HRH1: variants seen among roughly 807,000 people sequenced by gnomAD.
The protein encoded by HRH1 is histamine receptor H1.
HRH1 carries 6 observed loss-of-function variants against 10.3 expected under a neutral mutation model. The observed-to-expected ratio is 0.58, with a 90% CI of 0.32 to 1.15. The LOEUF (loss-of-function observed/expected upper bound fraction) is 1.15. Ranked by LOEUF, HRH1 falls within the 50% of genes most tolerant of loss-of-function variation. The pLI, the probability that HRH1 is intolerant of heterozygous loss-of-function variation, is 0.05. For synonymous variants in HRH1, 242 were observed against 236.7 expected, an observed-to-expected ratio of 1.02 and a Z score of -0.21; for missense variants, 514 against 615.3, an observed-to-expected ratio of 0.84 and a Z score of 1.74.
At chr3:11,158,363 G>A (rs1018007462) in intron 1 of HRH1, among the ~76,000 whole-genome samples, 4 of 152,188 alleles carry the variant, frequency 2.6e-5, no homozygotes, top group African/African-American at 9.7e-5. Context: ...CTAACAAGTA[G>A]GCAGAAATTA....
intron 1 of HRH1, among the ~76,000 whole-genome samples, chr3:11,242,169 G>C (rs1430128534): frequency 6.6e-6 from 1 of 151,998 alleles, no homozygotes; most frequent in Non-Finnish European, 1.5e-5. Context: ...CACTCTTTGG[G>C]TCCTTGCCAT....
intron 1 of HRH1, among the ~76,000 whole-genome samples, chr3:11,162,780 G>A (rs1559256704): frequency 2.0e-5 from 3 of 152,312 alleles, no homozygotes; most frequent in South Asian, 4.2e-4. Context: ...TATGTGTGGT[G>A]AGGCTGAATG....
At chr3:11,183,078 C>T (rs1364518473) in intron 1 of HRH1, among the ~76,000 whole-genome samples, 1 of 152,236 alleles carries the variant, frequency 6.6e-6, no homozygotes, top group South Asian at 2.1e-4. Context: ...ATCTCTGATG[C>T]TTTCATCATC....
intron 1 of HRH1, among the ~76,000 whole-genome samples, chr3:11,234,042 G>A (rs1247528381): frequency 1.3e-5 from 2 of 152,134 alleles, no homozygotes; most frequent in Admixed American, 1.3e-4. Context: ...GGCGGCCACA[G>A]GTTTGGGTAG....
chr3:11,215,616 AT>A (rs373118758), intron 1 of HRH1, among the ~76,000 whole-genome samples: 2,517 of 152,084 alleles, frequency 0.017, 22 homozygotes, highest in South Asian at 0.027. Flanking sequence ...AATTTTTTGT[AT>A]TTTTTAGTAG....
chr3:11,210,021 T>C (rs903153729), intron 1 of HRH1, among the ~76,000 whole-genome samples: 17 of 152,246 alleles, frequency 1.1e-4, no homozygotes, highest in African/African-American at 4.1e-4. Flanking sequence ...ACCTTGGCAT[T>C]AAATGACTTA....
At chr3:11,181,621 CT>C (rs1937354558) in intron 1 of HRH1, among the ~76,000 whole-genome samples, 2 of 147,180 alleles carry the variant, frequency 1.4e-5, no homozygotes, top group African/African-American at 5.1e-5. Context: ...ATTCAGATCC[CT>C]TGCTCTTTTT....
intron 1 of HRH1, among the ~76,000 whole-genome samples, chr3:11,177,093 CA>C (rs373557001): frequency 0.024 from 3,128 of 130,574 alleles, 93 homozygotes; most frequent in African/African-American, 0.074. Flanking sequence ...ACTCTTGTCT[CA>C]AAAAAAAAAA....
intron 1 of HRH1, among the ~76,000 whole-genome samples, chr3:11,139,277 C>T (rs1189667172): frequency 1.3e-5 from 2 of 149,756 alleles, no homozygotes; most frequent in East Asian, 2.0e-4. Flanking sequence ...ACGAGCCGCC[C>T]GCCTTTTTTT....
At chr3:11,200,760 T>G (rs1937873747) in intron 1 of HRH1, among the ~76,000 whole-genome samples, 2 of 152,196 alleles carry the variant, frequency 1.3e-5, no homozygotes, top group African/African-American at 4.8e-5. Context: ...TTTCCCCTGA[T>G]CATTCCATTT....
At chr3:11,234,121 A>G in intron 1 of HRH1, 2 of 620,324 alleles carry the variant, frequency 3.2e-6, no homozygotes, top group Non-Finnish European at 5.6e-6. Context: ...CCTGATCATC[A>G]AAATAAGTTA....
At position 11,259,380 on chromosome 3, in the gene HRH1, A is replaced by G. The variant is rs1939874433; in HGVS notation, c.343A>G (p.Ile115Val). The change falls in exon 2 of 2, where the codon ATT becomes GTT. Residue 115 changes from isoleucine (I) to valine (V), a missense_variant. Physicochemically the swap from Ile to Val is conservative, Grantham distance 29 (BLOSUM62 3). Transcript: ENST00000431010. The surrounding 1 kb of genome is among the most constrained non-coding windows in gnomAD (Gnocchi z 4.6). ...GGACTATGTGGCCAGCACAGCGTCCATTTTCAGTGTCTTCATCCTGTGCAT... is the reference window on the plus strand; with the variant it reads ...GGACTATGTGGCCAGCACAGCGTCCGTTTTCAGTGTCTTCATCCTGTGCAT... ...SMDYVASTASIFSVFILCIDR... is the reference protein window; with the variant it reads ...SMDYVASTASVFSVFILCIDR... The G allele has an allele frequency of 6.2e-7, 1 of 1,613,232 alleles. No homozygotes were observed. The highest frequency in any genetic ancestry group is 8.5e-7 in the Non-Finnish European group (1 of 1,179,910).
At chr3:11,190,681 G>C (rs1937518955) in intron 1 of HRH1, among the ~76,000 whole-genome samples, 1 of 152,028 alleles carries the variant, frequency 6.6e-6, no homozygotes, top group Non-Finnish European at 1.5e-5. Flanking sequence ...GCGTGAGCCA[G>C]CGCAACCGGC....
At chr3:11,234,597 C>T in intron 1 of HRH1, 1 of 1,436,508 alleles carries the variant, frequency 7.0e-7, no homozygotes, top group Non-Finnish European at 9.8e-7. Flanking sequence ...CATCAGCCAC[C>T]AATTCTGCAT....
At chr3:11,200,179 A>C (rs746769752) in intron 1 of HRH1, among the ~76,000 whole-genome samples, 3 of 152,224 alleles carry the variant, frequency 2.0e-5, no homozygotes, top group Non-Finnish European at 4.4e-5. Flanking sequence ...CGACTGACAG[A>C]TGCAGAGAAT....
At chr3:11,241,480 G>T (rs10470637) in intron 1 of HRH1, among the ~76,000 whole-genome samples, 101,775 of 151,882 alleles carry the variant, frequency 0.67, 34,320 homozygotes, top group East Asian at 0.71. Flanking sequence ...ATCAGCACTC[G>T]GTAGCTAGGA....
At chr3:11,158,882 T>A (rs1936870991) in intron 1 of HRH1, among the ~76,000 whole-genome samples, 2 of 152,226 alleles carry the variant, frequency 1.3e-5, no homozygotes, top group Admixed American at 1.3e-4. Context: ...TTTTGTTTCT[T>A]CCTCTCTAAT....
chr3:11,184,440 C>T (rs1432785963), intron 1 of HRH1, among the ~76,000 whole-genome samples: 2 of 152,112 alleles, frequency 1.3e-5, no homozygotes, highest in African/African-American at 4.8e-5. Context: ...GTCTTGCTTC[C>T]TCTCTTAGAA....
At chr3:11,220,753 C>CTA (rs1938685692) in intron 1 of HRH1, among the ~76,000 whole-genome samples, 1 of 152,166 alleles carries the variant, frequency 6.6e-6, no homozygotes, top group Non-Finnish European at 1.5e-5. Context: ...GAAGGGTGGC[C>CTA]TACCTCTCAA....
Sources: gnomAD v4.1 joint callset for allele counts (sites outside exome capture counted in the v4.1 genomes callset) on GRCh38, gnomAD v4.1.1 for gene constraint, Gnocchi (gnomAD v3.1) non-coding constraint, MANE v1.5 for transcripts, NCBI Gene and HGNC (gene_info 2026-07-23, HGNC 2026-07-21) for gene names.